CRELD1: variants seen among roughly 807,000 people sequenced by gnomAD.
CRELD1 encodes the protein protein disulfide isomerase CRELD1.
Under a neutral mutation model 58.2 loss-of-function variants are expected in CRELD1, and 42 were observed. The observed-to-expected ratio is 0.72, with a 90% CI of 0.56 to 0.93. CRELD1 has a LOEUF of 0.93. Ranked by LOEUF, CRELD1 falls within the 40% of genes least tolerant of loss-of-function variation. CRELD1 has a pLI of 0.00. For synonymous variants in CRELD1, 222 were observed against 202.0 expected, an observed-to-expected ratio of 1.10 and a Z score of -0.84; for missense variants, 500 against 540.6, an observed-to-expected ratio of 0.92 and a Z score of 0.74.
chr3:9,943,787 G>T (rs1176796386), intron 10 of CRELD1: 2 of 1,608,352 alleles, frequency 1.2e-6, no homozygotes, highest in African/African-American at 1.3e-5. Context: ...ACCAGTGTTT[G>T]CCCTGGCCTG....
In CRELD1 at chr3:9,941,046, G is replaced by A. The variant is rs567980866; in HGVS notation, c.637+20G>A. On this transcript the variant is annotated intron_variant, in intron 6 of 10. Coordinates refer to ENST00000452070, the MANE Select transcript of CRELD1 (RefSeq NM_001077415.3). ...GTTCGGGTAGGTAGCCAAAAGGTGT[G>A]GCACTGGGCAGGGGCAGATGGGGCA... 2.4e-4 allele frequency: 383 copies of A among 1,614,218 alleles called. 5 individuals are homozygous for A. In the South Asian group the frequency reaches 3.9e-3, roughly 17 times the overall value.
At chr3:9,941,330 C>A in intron 7 of CRELD1, 124 bp downstream of exon 7, 1 of 813,238 alleles carries the variant, frequency 1.2e-6, no homozygotes, top group Non-Finnish European at 1.9e-6. Context: ...CTCAACCTGG[C>A]TGGGAAGGCA....
rs751134302 is a variant in CRELD1 at position 9,944,331 on chromosome 3, C to G, written c.1049-34C>G. On this transcript the variant is annotated intron_variant, in intron 10 of 10. Transcript: ENST00000452070. ...CCAAGAACTACCAGGAACAGGGATA[C>G]GAGTGCCAGGCTGCATCTCTTGCTC... 4 of 1,567,786 alleles carry G rather than the reference C, an allele frequency of 2.6e-6. No individual in the cohort carries two copies. The South Asian group carries it at 4.4e-5, about 17-fold the overall frequency.
rs1575646639 is a variant in CRELD1 at position 9,941,010 on chromosome 3, C to T, written c.621C>T (p.Ser207=). The T allele has an allele frequency of 6.2e-7, 1 of 1,614,170 alleles. No homozygotes were observed. Among genetic ancestry groups the T allele is most frequent in the Non-Finnish European group, 8.5e-7 (1 of 1,180,028 alleles). The stretch of plus-strand genomic sequence containing the variant: ...ACTTTGAGGCAGAACGCAACGCCAG[C>T]CATCTGGTATGTTCGGGTAGGTAGC... ...LGYFEAERNA[S]HLVCSACFGP... The change falls in exon 6 of 11, where the codon AGC becomes AGT. Residue 207 remains serine, a synonymous_variant. Transcript: ENST00000452070.
At chr3:9,935,829 T>C (rs955566169) in intron 3 of CRELD1, 5 of 151,874 alleles carry the variant, frequency 3.3e-5, no homozygotes, top group African/African-American at 9.7e-5. Flanking sequence ...TGGGCTGAAA[T>C]GTCCATTAGA....
intron 9 of CRELD1, 52 bp from the exon 10 acceptor site, chr3:9,943,329 G>A: frequency 6.2e-7 from 1 of 1,613,508 alleles, no homozygotes; most frequent in Non-Finnish European, 8.5e-7. Flanking sequence ...GATGGAGTCA[G>A]GGTGCTGGGT....
intron 1 of CRELD1, 191 bp downstream of exon 1, chr3:9,934,111 T>A (rs1046141276): frequency 2.8e-5 from 12 of 422,956 alleles, no homozygotes; most frequent in Non-Finnish European, 4.8e-5. Context: ...TCTCCCTAAT[T>A]CTGCGGATCC....
intron 5 of CRELD1, 92 bp downstream of exon 5, chr3:9,938,198 A>G: frequency 6.1e-6 from 6 of 991,470 alleles, no homozygotes; most frequent in East Asian, 2.5e-5. Context: ...GTGTGAACTC[A>G]GGCTACTCAG....
chr3:9,943,338 GT>G (rs1328180988), intron 9 of CRELD1, 42 bp from the exon 10 acceptor site: 3 of 1,613,722 alleles, frequency 1.9e-6, no homozygotes, highest in Admixed American at 1.7e-5. Flanking sequence ...AGGGTGCTGG[GT>G]GGGGGGCCCT....
Position 9,944,900 on chromosome 3 carries a change from G to C in CRELD1, c.*321G>C, listed in dbSNP as rs1399656156. Reference sequence around the variant, plus strand: ...CTTAGGATTAGGTGGTCCTCACAGGGGTGGGGCCATCACAGCTCCCTCCTG... The same window carrying C: ...CTTAGGATTAGGTGGTCCTCACAGGCGTGGGGCCATCACAGCTCCCTCCTG... On this transcript the variant is annotated 3_prime_UTR_variant, in exon 11 of 11. Transcript: ENST00000452070. 1 of 408,600 alleles carries C rather than the reference G, an allele frequency of 2.4e-6. No individual in the cohort carries two copies. Among genetic ancestry groups the C allele is most frequent in the East Asian group, 5.5e-5 (1 of 18,260 alleles). 25.3% of individuals were successfully genotyped at this position (408,600 alleles called of 1,614,324 possible). A position where few individuals can be genotyped will look rare whatever the true frequency, so the allele number is the denominator to read the frequency against.
chr3:9,934,608 A>G lies in CRELD1; in HGVS notation c.170A>G (p.Asn57Ser). ...HTCRGLVDSF[N>S]KGLERTIRDN... ...TGCCGGGGACTGGTTGACAGCTTTA[A>G]CAAGGTGGGTGCACCGGCAGCCTCG... is the stretch of plus-strand genomic sequence containing the variant. Residue 57 changes from asparagine (N) to serine (S), a missense_variant, in exon 2 of 11, where the codon AAC becomes AGC. Transcript: ENST00000452070. 1 of 1,612,572 alleles carries G rather than the reference A, an allele frequency of 6.2e-7. No individual in the cohort carries two copies. The highest frequency in any genetic ancestry group is 8.5e-7 in the Non-Finnish European group (1 of 1,178,732).
At chr3:9,934,703 C>A in intron 2 of CRELD1, 91 bp downstream of exon 2, 4 of 1,536,134 alleles carry the variant, frequency 2.6e-6, no homozygotes, top group Non-Finnish European at 3.6e-6. Flanking sequence ...TAAGTTTCAT[C>A]TTGGTCTCTT....
In CRELD1 at chr3:9,944,497, T is replaced by G; in HGVS notation, c.1181T>G (p.Ile394Ser). The change falls in exon 11 of 11, where the codon ATT becomes AGT. Residue 394 changes from isoleucine (I) to serine (S), a missense_variant. Ile to Ser is a moderately radical substitution (Grantham distance 142). Coordinates refer to ENST00000452070, the MANE Select transcript of CRELD1 (RefSeq NM_001077415.3). Reference protein sequence around the residue: ...KGDLVFTAIFIGAVAAMTGYW... With the variant: ...KGDLVFTAIFSGAVAAMTGYW... Reference sequence around the variant, plus strand: ...GACTTGGTGTTCACCGCCATCTTCATTGGGGCTGTGGCGGCCATGACTGGC... The same window carrying G: ...GACTTGGTGTTCACCGCCATCTTCAGTGGGGCTGTGGCGGCCATGACTGGC... 6.2e-7 allele frequency: 1 copy of G among 1,613,078 alleles called. No individual in the cohort carries two copies. The highest frequency in any genetic ancestry group is 8.5e-7 in the Non-Finnish European group (1 of 1,180,020).
rs755175298 is a variant in CRELD1 at position 9,941,044 on chromosome 3, G to T, written c.637+18G>T. 1 of 1,614,238 alleles carries T rather than the reference G, an allele frequency of 6.2e-7. No homozygotes were observed. The highest frequency in any genetic ancestry group is 1.3e-5 in the African/African-American group (1 of 75,066). On this transcript the variant is annotated intron_variant, in intron 6 of 10. Transcript: ENST00000452070. ...ATGTTCGGGTAGGTAGCCAAAAGGT[G>T]TGGCACTGGGCAGGGGCAGATGGGG...
chr3:9,939,474 C>T (rs923287719), intron 5 of CRELD1, among the ~76,000 whole-genome samples: 2 of 152,310 alleles, frequency 1.3e-5, no homozygotes, highest in East Asian at 1.9e-4. Flanking sequence ...GCAGAGGACC[C>T]TGCGGCCTTC....
chr3:9,943,617 A>C, intron 10 of CRELD1, 102 bp downstream of exon 10: 1 of 1,594,246 alleles, frequency 6.3e-7, no homozygotes, highest in Non-Finnish European at 8.5e-7. Context: ...CCCCATCCCT[A>C]CTGCCACCCA....
chr3:9,943,004 C>G lies in CRELD1; in HGVS notation c.818-73C>G, dbSNP rs916328885. On this transcript the variant is annotated intron_variant, in intron 8 of 10. Coordinates refer to ENST00000452070, the MANE Select transcript of CRELD1 (RefSeq NM_001077415.3). ...TCTCAGGCTTCAGAGCACCCCCAGGCCTCCGCTTCTGGAGCGTGGCTCCCC... is the reference window on the plus strand; with the variant it reads ...TCTCAGGCTTCAGAGCACCCCCAGGGCTCCGCTTCTGGAGCGTGGCTCCCC... 4.5e-6 allele frequency: 7 copies of G among 1,545,492 alleles called. No homozygotes were observed. The African/African-American group carries it at 9.5e-5, about 21-fold the overall frequency.
At chr3:9,941,253 GCTTGGTCCTTTATTCT>G in intron 7 of CRELD1, 47 bp downstream of exon 7, 1 of 1,541,532 alleles carries the variant, frequency 6.5e-7, no homozygotes, top group Non-Finnish European at 8.9e-7. Context: ...AGGGGCCTGG[GCTTGGTCCTTTATTCT>G]CTCAACACAA....
chr3:9,941,306 A>G, intron 7 of CRELD1, 100 bp downstream of exon 7: 2 of 1,021,186 alleles, frequency 2.0e-6, no homozygotes, highest in East Asian at 2.5e-5. Flanking sequence ...CCTAGTCTCC[A>G]CCTTCATGGA....
Sources: gnomAD v4.1 joint callset for allele counts (sites outside exome capture counted in the v4.1 genomes callset) on GRCh38, gnomAD v4.1.1 for gene constraint, MANE v1.5 for transcripts, NCBI Gene and HGNC (gene_info 2026-07-23, HGNC 2026-07-21) for gene names.